The following RANBP2 variants were observed in gnomAD, a reference collection of about 807,000 sequenced individuals.
The protein encoded by RANBP2 is RAN binding protein 2, also known as E3 SUMO-protein ligase RanBP2.
In RANBP2, 57 loss-of-function variants were observed where a neutral mutation model predicts 303.6. That is an observed-to-expected ratio of 0.19 (90% confidence interval 0.15 to 0.23). RANBP2 has a LOEUF of 0.23. RANBP2 is among the 10% of genes least tolerant of loss of function. The pLI is 1.00. For synonymous variants in RANBP2, 1,167 were observed against 1,301.5 expected (o/e 0.90, Z 2.23); for missense variants, 3,138 against 3,780.8 (o/e 0.83, Z 4.46).
At chr2:109,165,849 C>T in the RANBP2 span, among the ~76,000 whole-genome samples, 1 of 152,212 alleles carries the variant, frequency 6.6e-6, no homozygotes, top group African/African-American at 2.4e-5. Flanking sequence ...TCACCCTAGA[C>T]ATTCAGTGCT....
chr2:109,220,259 G>T, the RANBP2 span, among the ~76,000 whole-genome samples: 1 of 152,252 alleles, frequency 6.6e-6, no homozygotes, highest in Admixed American at 6.5e-5. Context: ...ATCTAACATG[G>T]TCTAGAAAAT....
At chr2:109,269,740 C>T in the RANBP2 span, among the ~76,000 whole-genome samples, 3 of 152,204 alleles carry the variant, frequency 2.0e-5, no homozygotes, top group Non-Finnish European at 2.9e-5. Context: ...GATCGTGCCA[C>T]TGCACTCCAG....
At chr2:109,384,257 G>T in the RANBP2 span, among the ~76,000 whole-genome samples, 1 of 152,192 alleles carries the variant, frequency 6.6e-6, no homozygotes, top group Non-Finnish European at 1.5e-5. Context: ...GACCACATCT[G>T]CCAGGGAGGA....
chr2:109,265,816 GAAAT>G, the RANBP2 span, among the ~76,000 whole-genome samples: 1 of 152,224 alleles, frequency 6.6e-6, no homozygotes, highest in Non-Finnish European at 1.5e-5. Context: ...AGGGCAGAGA[GAAAT>G]AATGAGAGGT....
chr2:109,026,316 A>T, the RANBP2 span, among the ~76,000 whole-genome samples: 1,360 of 7,314 alleles, frequency 0.19, 10 homozygotes, highest in Middle Eastern at 0.33. Flanking sequence ...TTTTTAAGAG[A>T]TGGGGTCTTG....
the RANBP2 span, among the ~76,000 whole-genome samples, chr2:108,871,501 G>A: frequency 4.5e-4 from 68 of 151,932 alleles, no homozygotes; most frequent in African/African-American, 1.5e-3. Flanking sequence ...TCAGTGAGCC[G>A]AGATCATGCC....
chr2:108,782,098 GC>G lies in RANBP2; in HGVS notation c.8761-29del, dbSNP rs760466192. 14 of 1,611,282 alleles carry G rather than the reference GC, an allele frequency of 8.7e-6. No individual in the cohort carries two copies. The Admixed American group carries it at 1.5e-4, about 17-fold the overall frequency. ...GTCATGGAATTTATTATAAGCAGCA[GC>G]TTATAGAGAATTTCATCTCCTATTA... On this transcript the variant is annotated intron_variant, in intron 26 of 28. Transcript: ENST00000283195.
At chr2:109,185,368 G>T in the RANBP2 span, among the ~76,000 whole-genome samples, 1 of 152,220 alleles carries the variant, frequency 6.6e-6, no homozygotes, top group Non-Finnish European at 1.5e-5. Context: ...CATCAGAGAA[G>T]AGTGAAGACA....
chr2:109,564,598 T>C, the RANBP2 span: 28 of 1,337,256 alleles, frequency 2.1e-5, no homozygotes, highest in East Asian at 6.2e-4. Context: ...CAACTAAGTG[T>C]TTGCTGAATG....
At chr2:109,006,488 C>T in the RANBP2 span, among the ~76,000 whole-genome samples, 1 of 152,064 alleles carries the variant, frequency 6.6e-6, no homozygotes, top group Non-Finnish European at 1.5e-5. Context: ...GCCACCGCGC[C>T]GGCCCTATTT....
the RANBP2 span, among the ~76,000 whole-genome samples, chr2:108,844,748 A>AT: frequency 0.021 from 2,847 of 136,712 alleles, 43 homozygotes; most frequent in Middle Eastern, 0.035. Context: ...TACTATCCAC[A>AT]TTTTTTTTTT....
chr2:109,584,474 CAAAAAAAAAAA>C, the RANBP2 span, among the ~76,000 whole-genome samples: 1 of 72,044 alleles, frequency 1.4e-5, no homozygotes, highest in Non-Finnish European at 2.6e-5. Flanking sequence ...GACTCTGTCT[CAAAAAAAAAAA>C]AAAAAAAAAA....
chr2:109,057,750 C>G, the RANBP2 span, among the ~76,000 whole-genome samples: 4 of 152,188 alleles, frequency 2.6e-5, no homozygotes, highest in Non-Finnish European at 5.9e-5. Flanking sequence ...GCAAAGCACC[C>G]CACCTCTTCC....
the RANBP2 span, among the ~76,000 whole-genome samples, chr2:109,036,824 A>G: frequency 2.0e-5 from 3 of 152,122 alleles, no homozygotes; most frequent in African/African-American, 7.2e-5. Flanking sequence ...CCTGGGCAAC[A>G]TGGCAAAACC....
chr2:109,439,471 G>C, the RANBP2 span, among the ~76,000 whole-genome samples: 1 of 152,186 alleles, frequency 6.6e-6, no homozygotes, highest in Admixed American at 6.5e-5. Context: ...ATTGTTCCCT[G>C]CAGTAATTGC....
chr2:109,649,993 C>T, the RANBP2 span, among the ~76,000 whole-genome samples: 4 of 152,204 alleles, frequency 2.6e-5, no homozygotes, highest in African/African-American at 9.7e-5. Context: ...AATGATAATT[C>T]CAGGCTGCAA....
the RANBP2 span, among the ~76,000 whole-genome samples, chr2:109,342,360 C>T: frequency 1.3e-5 from 2 of 152,192 alleles, no homozygotes; most frequent in African/African-American, 2.4e-5. Context: ...TGTGTTCATT[C>T]GTTCAGTAGA....
chr2:108,923,792 G>C, the RANBP2 span, among the ~76,000 whole-genome samples: 1 of 152,200 alleles, frequency 6.6e-6, no homozygotes, highest in Non-Finnish European at 1.5e-5. Context: ...GGCCTGCTTA[G>C]CCCCCCAGGG....
At chr2:108,842,997 A>G in the RANBP2 span, among the ~76,000 whole-genome samples, 2 of 152,154 alleles carry the variant, frequency 1.3e-5, no homozygotes, top group Non-Finnish European at 2.9e-5. Context: ...CAACCGTCAA[A>G]CAGAATTTAT....
Sources: gnomAD v4.1 joint callset for allele counts (sites outside exome capture counted in the v4.1 genomes callset) on GRCh38, gnomAD v4.1.1 for gene constraint, MANE v1.5 for transcripts, NCBI Gene and HGNC (gene_info 2026-07-23, HGNC 2026-07-21) for gene names.